MOCS1: variants seen among roughly 807,000 people sequenced by gnomAD.
The protein encoded by MOCS1 is molybdenum cofactor biosynthesis protein 1.
Under a neutral mutation model 57.6 loss-of-function variants are expected in MOCS1, and 39 were observed. The observed-to-expected ratio is 0.68, with a 90% CI of 0.52 to 0.88. The LOEUF (loss-of-function observed/expected upper bound fraction) is 0.88, where lower values mean the gene tolerates loss of function less well. MOCS1 is among the 40% of genes least tolerant of loss of function. The probability of loss-of-function intolerance (pLI) is 0.00; values close to 1 mark genes in which losing one functional copy is unlikely to be tolerated. For synonymous variants in MOCS1, 334 were observed against 335.7 expected, an observed-to-expected ratio of 1.00 and a Z score of 0.05; for missense variants, 795 against 831.1, an observed-to-expected ratio of 0.96 and a Z score of 0.53.
rs149566347 is a variant in MOCS1, at chr6:39,930,826, C to G, written c.124-3371G>C. Among the ~76,000 whole-genome samples, 893 of 152,280 alleles carry G rather than the reference C, an allele frequency of 5.9e-3. 7 individuals carry two copies. The highest frequency in any genetic ancestry group is 0.02 in the Middle Eastern group (6 of 294). On this transcript the variant is annotated intron_variant, in intron 1 of 10. Coordinates refer to ENST00000340692, the MANE Select transcript of MOCS1 (RefSeq NM_001358530.2). ...GGAGTAGGTGAGCCTATATTACAAG[C>G]CTGGCTCTAGCTGTTGAGCAAGTCA...
At chr6:39,917,418 G>A (rs1274049006) in intron 3 of MOCS1, among the ~76,000 whole-genome samples, 2 of 152,076 alleles carry the variant, frequency 1.3e-5, no homozygotes, top group African/African-American at 4.8e-5. Context: ...GGGGATTATG[G>A]GAACTACAAT....
intron 2 of MOCS1, 112 bp downstream of exon 2, chr6:39,927,217 A>T: frequency 7.2e-7 from 1 of 1,379,994 alleles, no homozygotes; most frequent in Non-Finnish European, 1.0e-6. Flanking sequence ...CAGGTGAAGA[A>T]GTTAGAAAGC....
intron 10 of MOCS1, 61 bp downstream of exon 10, chr6:39,908,994 C>G (rs961884705): frequency 2.7e-6 from 4 of 1,469,188 alleles, no homozygotes; most frequent in Non-Finnish European, 3.8e-6. Flanking sequence ...TGGCACGGCT[C>G]CCACCCCACG....
At chr6:39,925,364 A>G (rs567834074) in intron 3 of MOCS1, among the ~76,000 whole-genome samples, 1 of 152,216 alleles carries the variant, frequency 6.6e-6, no homozygotes, top group Non-Finnish European at 1.5e-5. Context: ...AAGGTGGAGA[A>G]GCCTGCAAGG....
rs1260947347 is a variant in MOCS1, at chr6:39,925,658, A to G, written c.418+20T>C. The G allele has an allele frequency of 2.5e-6, 4 of 1,612,760 alleles. No individual in the cohort carries two copies. The South Asian group carries it at 4.4e-5, about 18-fold the overall frequency. ...TGAGGCAGCGCTGGGAGAAGTGGCG[A>G]TGACTTTCGTCCAACTCACCCACAA... On this transcript the variant is annotated intron_variant, in intron 3 of 10. Coordinates refer to ENST00000340692, the MANE Select transcript of MOCS1 (RefSeq NM_001358530.2).
At chr6:39,920,547 A>G (rs1375853107) in intron 3 of MOCS1, among the ~76,000 whole-genome samples, 1 of 152,280 alleles carries the variant, frequency 6.6e-6, no homozygotes, top group African/African-American at 2.4e-5. Flanking sequence ...ATAATGTAAC[A>G]GTAGACCACA....
chr6:39,911,273 TG>T (rs1458210656), intron 8 of MOCS1, among the ~76,000 whole-genome samples: 1 of 152,240 alleles, frequency 6.6e-6, no homozygotes, highest in African/African-American at 2.4e-5. Flanking sequence ...TGGTTCCTTT[TG>T]GATTCAAACT....
In MOCS1 at chr6:39,905,052, G is replaced by GTCTT. The variant is rs1766766473; in HGVS notation, c.*1301_*1304dup. ...CATGGGAGTATTTATATCACAAATT[G>GTCTT]TCTTTTCCAGAGAGCTGGTTGTTTA... On this transcript the variant is annotated 3_prime_UTR_variant, in exon 11 of 11. Coordinates refer to ENST00000340692, the MANE Select transcript of MOCS1 (RefSeq NM_001358530.2). 2.2e-6 allele frequency: 1 copy of GTCTT among 454,008 alleles called. No individual in the cohort carries two copies. Among genetic ancestry groups the GTCTT allele is most frequent in the African/African-American group, 2.0e-5 (1 of 49,984 alleles). 28.1% of individuals were successfully genotyped at this position (454,008 alleles called of 1,614,324 possible).
intron 1 of MOCS1, among the ~76,000 whole-genome samples, chr6:39,929,366 C>T (rs529895448): frequency 3.9e-4 from 60 of 152,238 alleles, no homozygotes; most frequent in African/African-American, 1.4e-3. Flanking sequence ...ATCCCATCAG[C>T]CACCGGAGTC....
At position 39,921,765 on chromosome 6, in the gene MOCS1, G is replaced by A. The variant is rs180830871; in HGVS notation, c.418+3913C>T. Among the ~76,000 whole-genome samples, 8 of 152,278 alleles carry A rather than the reference G, an allele frequency of 5.3e-5. No individual in the cohort carries two copies. In the East Asian group the frequency reaches 9.6e-4, roughly 18 times the overall value. On this transcript the variant is annotated intron_variant, in intron 3 of 10. Transcript: ENST00000340692. ...AGAAAAAGGAAAGGAAGAAGCTGCCGCAATGAGTGATTTTTTTTCAACTTT... is the reference window on the plus strand; with the variant it reads ...AGAAAAAGGAAAGGAAGAAGCTGCCACAATGAGTGATTTTTTTTCAACTTT...
chr6:39,906,366 A>G lies in MOCS1; in HGVS notation c.1902T>C (p.His634=), dbSNP rs753450308. 6.3e-7 allele frequency: 1 copy of G among 1,596,262 alleles called. No individual in the cohort carries two copies. The highest frequency in any genetic ancestry group is 8.6e-7 in the Non-Finnish European group (1 of 1,168,214). ...GTGAGAAGGGCAGGTGCTAAGCCCG[A>G]TGGAAGTCCCCCCGCTGACCACCAG... ...SKTGGQRGDF[H]RA The change falls in exon 11 of 11, where the codon CAT becomes CAC. Residue 634 remains histidine, a synonymous_variant. Transcript: ENST00000340692.
Position 39,906,269 on chromosome 6 carries a change from G to GTGAT in MOCS1, c.*84_*87dup, listed in dbSNP as rs749248063. On this transcript the variant is annotated 3_prime_UTR_variant, in exon 11 of 11. Transcript: ENST00000340692. ...TGCTCAAGGTAAACAAACAGTGACTGTGATTAAAGGAACCTGACGTCTTTC... is the reference window on the plus strand; with the variant it reads ...TGCTCAAGGTAAACAAACAGTGACTGTGATTGATTAAAGGAACCTGACGTCTTTC... The GTGAT allele has an allele frequency of 6.6e-7, 1 of 1,522,676 alleles. No individual in the cohort carries two copies. The highest frequency in any genetic ancestry group is 1.4e-5 in the African/African-American group (1 of 73,260). 94.3% of individuals were successfully genotyped at this position (1,522,676 alleles called of 1,614,324 possible).
At chr6:39,931,582 C>T (rs887905591) in intron 1 of MOCS1, among the ~76,000 whole-genome samples, 7 of 152,142 alleles carry the variant, frequency 4.6e-5, no homozygotes, top group Admixed American at 2.0e-4. Flanking sequence ...AGTCACATTT[C>T]GCTGAAACAT....
intron 1 of MOCS1, chr6:39,927,806 A>T: frequency 3.0e-6 from 4 of 1,328,852 alleles, no homozygotes; most frequent in Non-Finnish European, 3.9e-6. Context: ...TTGTGCACCC[A>T]TGGTCTCGGG....
At chr6:39,922,446 C>T (rs1038689076) in intron 3 of MOCS1, among the ~76,000 whole-genome samples, 2 of 152,218 alleles carry the variant, frequency 1.3e-5, no homozygotes, top group African/African-American at 2.4e-5. Flanking sequence ...CGTTAGTGTT[C>T]GTGTATTTTA....
rs775383707 is a variant in MOCS1, at chr6:39,916,065, C to T, written c.583+3G>A. On this transcript the variant is annotated splice_donor_region_variant and intron_variant, in intron 4 of 10. Transcript: ENST00000340692. ...GACACCCACCCCATCCACATCCGCT[C>T]ACCTTTCCTGCGGACAATGAACTCA... The T allele has an allele frequency of 3.1e-6, 5 of 1,604,398 alleles. No individual in the cohort carries two copies. In the African/African-American group the frequency reaches 4.0e-5, roughly 13 times the overall value.
chr6:39,912,076 T>C (rs1480731903), intron 8 of MOCS1, among the ~76,000 whole-genome samples, 188 bp downstream of exon 8: 1 of 152,122 alleles, frequency 6.6e-6, no homozygotes, highest in African/African-American at 2.4e-5. Context: ...GGGTGACATT[T>C]CCAGAGGGGC....
rs1766849950 is a variant in MOCS1, at chr6:39,905,717, GA to G, written c.*639del. Reference sequence around the variant, plus strand: ...CATGTGTGCACATCCTGTTTCAGAAGAGGGGGGCCAGAGGAAAAGGGGCCAG... The same window carrying G: ...CATGTGTGCACATCCTGTTTCAGAAGGGGGGGCCAGAGGAAAAGGGGCCAG... On this transcript the variant is annotated 3_prime_UTR_variant, in exon 11 of 11. Coordinates refer to ENST00000340692, the MANE Select transcript of MOCS1 (RefSeq NM_001358530.2). 2.1e-6 allele frequency: 1 copy of G among 471,056 alleles called. No homozygotes were observed. Among genetic ancestry groups the G allele is most frequent in the South Asian group, 1.5e-5 (1 of 64,564 alleles). The allele number at this position is 471,056 out of a possible 1,614,324, so 29.2% of individuals were successfully genotyped here.
At chr6:39,907,723 GTGGT>G (rs1280942843) in intron 10 of MOCS1, among the ~76,000 whole-genome samples, 9 of 152,258 alleles carry the variant, frequency 5.9e-5, no homozygotes, top group South Asian at 2.1e-4. Context: ...TACTCAAAGG[GTGGT>G]TGGCTTATGG....
Sources: allele counts gnomAD v4.1 joint callset (sites outside exome capture counted in the v4.1 genomes callset), GRCh38; gene constraint gnomAD v4.1.1; transcripts MANE v1.5; gene names NCBI Gene and HGNC (gene_info 2026-07-23, HGNC 2026-07-21).